Variants in MMD2 observed in about 807,000 individuals in gnomAD.
MMD2 encodes monocyte to macrophage differentiation associated 2.
MMD2 carries 30 observed loss-of-function variants against 33.5 expected under a neutral mutation model. That is an observed-to-expected ratio of 0.90 (90% CI 0.67 to 1.22). The LOEUF is 1.22. Ranked by LOEUF, MMD2 falls within the 50% of genes most tolerant of loss-of-function variation. MMD2 has a pLI of 0.00. For missense variants in MMD2, 364 were observed against 325.4 expected (o/e 1.12, Z -0.91); for synonymous variants, 129 against 123.0 (o/e 1.05, Z -0.32).
chr7:4,944,263 AG>A, intron 1 of MMD2, among the ~76,000 whole-genome samples: 1 of 151,836 alleles, frequency 6.6e-6, no homozygotes, highest in East Asian at 2.0e-4. Context: ...CAACAGAGCA[AG>A]AAAAAAAAAA....
In MMD2 at chr7:4,907,232, G is replaced by A; in HGVS notation, c.*164C>T. 1 of 637,076 alleles carries A rather than the reference G, an allele frequency of 1.6e-6. No homozygotes were observed. The highest frequency in any genetic ancestry group is 2.7e-5 in the East Asian group (1 of 36,940). 39.5% of individuals were successfully genotyped at this position (637,076 alleles called of 1,614,324 possible). A position where few individuals can be genotyped will look rare whatever the true frequency, so the allele number is the denominator to read the frequency against. ...ATGGCTAAATGCTTTCTTTCTCGCTGGGGACTCGAGGGATGATCTGGCTGT... is the reference window on the plus strand; with the variant it reads ...ATGGCTAAATGCTTTCTTTCTCGCTAGGGACTCGAGGGATGATCTGGCTGT... On this transcript the variant is annotated 3_prime_UTR_variant, in exon 7 of 7. Transcript: ENST00000401401.
At chr7:4,894,864 A>G in the MMD2 span, among the ~76,000 whole-genome samples, 440 of 152,200 alleles carry the variant, frequency 2.9e-3, 1 homozygote, top group African/African-American at 9.9e-3. This position sits in a 1 kb window ranked among gnomAD's most constrained non-coding sequence, Gnocchi z 4.3. Context: ...GTTGAAGGGT[A>G]GGTGGTGTAT....
the MMD2 span, among the ~76,000 whole-genome samples, chr7:4,900,494 G>GT: frequency 6.6e-6 from 1 of 152,050 alleles, no homozygotes; most frequent in Non-Finnish European, 1.5e-5. Flanking sequence ...CATCACCATG[G>GT]TGTAAACACT....
intron 2 of MMD2, among the ~76,000 whole-genome samples, chr7:4,924,057 TG>T (rs1374468777): frequency 2.6e-5 from 4 of 152,200 alleles, no homozygotes; most frequent in African/African-American, 9.6e-5. Flanking sequence ...CCGGGCTTGG[TG>T]GCGGGCGCCT....
Position 4,906,367 on chromosome 7 carries a change from G to A in MMD2, c.*1029C>T. On this transcript the variant is annotated 3_prime_UTR_variant, in exon 7 of 7. Transcript: ENST00000401401. ...CCTGGAACAGTCGCCCCAGATCCAT[G>A]TGCCTTCTGTTTGGGGTACACCTGA... 2.5e-6 allele frequency: 1 copy of A among 396,956 alleles called. No individual in the cohort carries two copies. Among genetic ancestry groups the A allele is most frequent in the Non-Finnish European group, 4.4e-6 (1 of 225,204 alleles). The allele number at this position is 396,956 out of a possible 1,614,324, so 24.6% of individuals were successfully genotyped here.
chr7:4,895,532 CT>C, the MMD2 span, among the ~76,000 whole-genome samples: 7 of 151,252 alleles, frequency 4.6e-5, no homozygotes, highest in South Asian at 4.2e-4. Flanking sequence ...CCCAGGCATT[CT>C]TTTTTTTTCT....
At chr7:4,920,088 A>G (rs1385541915) in intron 3 of MMD2, 83 bp downstream of exon 3, 7 of 1,428,344 alleles carry the variant, frequency 4.9e-6, no homozygotes, top group Non-Finnish European at 6.6e-6. Context: ...CAGACCGGAT[A>G]TCCTGGTTCA....
chr7:4,936,323 A>C (rs952908407), intron 1 of MMD2, among the ~76,000 whole-genome samples: 22 of 152,270 alleles, frequency 1.4e-4, no homozygotes, highest in Middle Eastern at 3.4e-3. Flanking sequence ...ACACACACAC[A>C]CCCCAACATT....
Position 4,907,110 on chromosome 7 carries a change from G to C in MMD2, c.*286C>G, listed in dbSNP as rs1336361700. The stretch of plus-strand genomic sequence containing the variant: ...TCATTCCCCAATTTTCCAGGACCAT[G>C]CCTGCTTCCTTTTCTGAAGATGTTA... On this transcript the variant is annotated 3_prime_UTR_variant, in exon 7 of 7. Transcript: ENST00000401401. The C allele has an allele frequency of 2.5e-6, 1 of 399,432 alleles. No individual in the cohort carries two copies. The highest frequency in any genetic ancestry group is 4.0e-5 in the Admixed American group (1 of 25,262). The allele number at this position is 399,432 out of a possible 1,614,324, so 24.7% of individuals were successfully genotyped here.
chr7:4,925,521 T>C lies in MMD2; in HGVS notation c.59A>G (p.His20Arg). 3.8e-6 allele frequency: 6 copies of C among 1,574,680 alleles called. No individual in the cohort carries two copies. Among genetic ancestry groups the C allele is most frequent in the Non-Finnish European group, 5.2e-6 (6 of 1,158,300 alleles). ...GTACCTCTTGTGGGCAGGGACTCGG[T>C]GGTTCATGAACCTGGAAGGAGAGGG... ...QKTKYARFMN[H>R]RVPAHKRYQP... The change falls in exon 2 of 7, where the codon CAC (histidine) becomes CGC (arginine). Residue 20 changes from histidine to arginine, a missense_variant. Transcript: ENST00000401401.
At chr7:4,957,708 C>T (rs1786425745) in intron 1 of MMD2, among the ~76,000 whole-genome samples, 1 of 152,028 alleles carries the variant, frequency 6.6e-6, no homozygotes, top group South Asian at 2.1e-4. Flanking sequence ...AGAGTCAATC[C>T]GCAGGAACTT....
intron 2 of MMD2, among the ~76,000 whole-genome samples, chr7:4,923,839 G>C (rs1395931729): frequency 6.6e-6 from 1 of 152,176 alleles, no homozygotes; most frequent in Non-Finnish European, 1.5e-5. Context: ...GGGACTGACT[G>C]AGAAAATGCA....
At chr7:4,926,821 A>G (rs10951722) in intron 1 of MMD2, among the ~76,000 whole-genome samples, 21 of 151,488 alleles carry the variant, frequency 1.4e-4, no homozygotes, top group African/African-American at 4.6e-4. Context: ...CTCGGCTCAC[A>G]GCAAGCTCCG....
intron 2 of MMD2, 116 bp downstream of exon 2, chr7:4,925,335 A>G (rs1490007143): frequency 2.6e-6 from 2 of 756,324 alleles, no homozygotes; most frequent in Non-Finnish European, 2.0e-6. Context: ...CCTGAGGGCC[A>G]CAGAAGACCC....
downstream of MMD2, among the ~76,000 whole-genome samples, chr7:4,903,455 G>A (rs574021213): frequency 2.6e-5 from 4 of 152,256 alleles, no homozygotes; most frequent in African/African-American, 9.6e-5. Context: ...CTGATGGAAA[G>A]GAGAAGGCTC....
chr7:4,945,862 G>A (rs576822979), intron 1 of MMD2, among the ~76,000 whole-genome samples: 69 of 152,168 alleles, frequency 4.5e-4, no homozygotes, highest in Non-Finnish European at 9.1e-4. Flanking sequence ...GGCGTGAGCC[G>A]CCGCACCCGG....
rs1046699074 is a variant in MMD2 at position 4,946,113 on chromosome 7, ACACG to A, written c.47+12854_47+12857del. 2.3e-4 allele frequency among the ~76,000 whole-genome samples: 34 copies of A among 150,694 alleles called. No homozygotes were observed. The highest frequency in any genetic ancestry group is 8.1e-4 in the African/African-American group (33 of 40,956). On this transcript the variant is annotated intron_variant, in intron 1 of 6. Coordinates refer to ENST00000401401, the MANE Select transcript of MMD2 (RefSeq NM_198403.4). The surrounding 1 kb of genome is among the most constrained non-coding windows in gnomAD (Gnocchi z 5.0). ...CGCACACACACGCATGCACACGCGC[ACACG>A]CACGCACACACCTGCACACGCACGC...
intron 1 of MMD2, among the ~76,000 whole-genome samples, chr7:4,955,622 A>C (rs923644315): frequency 6.6e-6 from 1 of 152,228 alleles, no homozygotes; most frequent in African/African-American, 2.4e-5. Flanking sequence ...TTCATTGTAT[A>C]CTGATATAAT....
intron 5 of MMD2, among the ~76,000 whole-genome samples, chr7:4,910,780 C>G (rs116619942): frequency 6.6e-6 from 1 of 152,132 alleles, no homozygotes; most frequent in Non-Finnish European, 1.5e-5. Context: ...AGGCACCCAT[C>G]ATGACACCCA....
Sources: gnomAD v4.1 joint callset for allele counts (sites outside exome capture counted in the v4.1 genomes callset) on GRCh38, gnomAD v4.1.1 for gene constraint, Gnocchi (gnomAD v3.1) non-coding constraint, MANE v1.5 for transcripts, NCBI Gene and HGNC (gene_info 2026-07-23, HGNC 2026-07-21) for gene names.